FKBP9: variants seen among roughly 807,000 people sequenced by gnomAD.
FKBP9 encodes peptidyl-prolyl cis-trans isomerase FKBP9.
Under a neutral mutation model 55.6 loss-of-function variants are expected in FKBP9, and 27 were observed. The ratio of observed to expected loss-of-function variants is 0.49; its 90% CI spans 0.36 to 0.67. FKBP9 has a LOEUF of 0.67. FKBP9 is among the 30% of genes least tolerant of loss of function. The pLI is 0.00. For synonymous variants in FKBP9, 267 were observed against 296.5 expected, an observed-to-expected ratio of 0.90 and a Z score of 1.02; for missense variants, 539 against 742.8, an observed-to-expected ratio of 0.73 and a Z score of 3.19.
In FKBP9 at chr7:32,957,459, A is replaced by G; in HGVS notation, c.-115A>G. The G allele has an allele frequency of 1.3e-6, 1 of 751,050 alleles. No homozygotes were observed. Among genetic ancestry groups the G allele is most frequent in the Admixed American group, 4.4e-5 (1 of 22,700 alleles). 46.5% of individuals were successfully genotyped at this position (751,050 alleles called of 1,614,324 possible). On this transcript the variant is annotated 5_prime_UTR_variant, in exon 1 of 10. Transcript: ENST00000242209. ...GCCGGGGAGACGGGGTGGCGGCTGC[A>G]GCCCGGGTAGGGCCAGGAGACCCGG...
intron 6 of FKBP9, chr7:32,992,823 A>G (rs930590234): frequency 1.7e-5 from 4 of 228,704 alleles, no homozygotes; most frequent in Non-Finnish European, 2.6e-5. Flanking sequence ...AAACACAAAC[A>G]AAACTTCCTA....
At position 33,005,862 on chromosome 7, in the gene FKBP9, C is replaced by A. The variant is rs1475819094; in HGVS notation, c.*511C>A. ...GACAGCCATGGCTCTTCCCAGCAGC[C>A]TGTGCAAATTCTGATGATGGCCCCA... is the stretch of plus-strand genomic sequence containing the variant. On this transcript the variant is annotated 3_prime_UTR_variant, in exon 10 of 10. Coordinates refer to ENST00000242209, the MANE Select transcript of FKBP9 (RefSeq NM_007270.5). 1 of 233,264 alleles carries A rather than the reference C, an allele frequency of 4.3e-6. No individual in the cohort carries two copies. Among genetic ancestry groups the A allele is most frequent in the African/African-American group, 2.2e-5 (1 of 45,138 alleles). The allele number at this position is 233,264 out of a possible 1,614,324, so 14.4% of individuals were successfully genotyped here.
intron 4 of FKBP9, among the ~76,000 whole-genome samples, chr7:32,978,526 TA>T (rs1562567673): frequency 6.6e-6 from 1 of 152,058 alleles, no homozygotes; most frequent in Non-Finnish European, 1.5e-5. Flanking sequence ...CTTGGCTAGT[TA>T]AAAAAGTTTT....
intron 1 of FKBP9, among the ~76,000 whole-genome samples, chr7:32,963,943 C>T (rs1784080169): frequency 6.6e-6 from 1 of 152,204 alleles, no homozygotes; most frequent in African/African-American, 2.4e-5. Context: ...GGCCCAGGCT[C>T]ACCCTTTCAG....
At chr7:32,970,601 A>G (rs1228399345) in intron 1 of FKBP9, among the ~76,000 whole-genome samples, 1 of 150,254 alleles carries the variant, frequency 6.7e-6, no homozygotes, top group African/African-American at 2.5e-5. Flanking sequence ...GCTATTGTAA[A>G]TAGAATTATT....
At position 32,994,113 on chromosome 7, in the gene FKBP9, A is replaced by G. The variant is rs555148315; in HGVS notation, c.1040-2050A>G. Reference sequence around the variant, plus strand: ...CACATACTATAAAAATAATCATGTTAAAGTTTACAATTTAGTTGTTTTTAG... The same window carrying G: ...CACATACTATAAAAATAATCATGTTGAAGTTTACAATTTAGTTGTTTTTAG... On this transcript the variant is annotated intron_variant, in intron 6 of 9. Coordinates refer to ENST00000242209, the MANE Select transcript of FKBP9 (RefSeq NM_007270.5). Among the ~76,000 whole-genome samples, 9 of 152,326 alleles carry G rather than the reference A, an allele frequency of 5.9e-5. No homozygotes were observed. In the South Asian group the frequency reaches 1.9e-3, roughly 32 times the overall value.
rs200712661 is a variant in FKBP9 at position 32,974,641 on chromosome 7, T to C, written c.246T>C (p.Asn82=). ...GCTATGACAGAGACTCCACTTTCAATGTGTTTGTGGGAAAAGGACAGCTGA... is the reference window on the plus strand; with the variant it reads ...GCTATGACAGAGACTCCACTTTCAACGTGTTTGTGGGAAAAGGACAGCTGA... The part of the protein sequence containing the change: ...DSSYDRDSTF[N]VFVGKGQLIT... The change falls in exon 2 of 10, where the codon AAT becomes AAC. Residue 82 remains asparagine, a synonymous_variant. Transcript: ENST00000242209. The C allele has an allele frequency of 1.2e-6, 2 of 1,613,562 alleles. No homozygotes were observed. Among genetic ancestry groups the C allele is most frequent in the East Asian group, 2.2e-5 (1 of 44,870 alleles).
At position 33,006,631 on chromosome 7, in the gene FKBP9, C is replaced by T. The variant is rs1332714488; in HGVS notation, c.*1280C>T. 1 of 213,524 alleles carries T rather than the reference C, an allele frequency of 4.7e-6. No individual in the cohort carries two copies. Among genetic ancestry groups the T allele is most frequent in the Non-Finnish European group, 9.5e-6 (1 of 105,398 alleles). The allele number at this position is 213,524 out of a possible 1,614,324, so 13.2% of individuals were successfully genotyped here. A position where few individuals can be genotyped will look rare whatever the true frequency, so the allele number is the denominator to read the frequency against. On this transcript the variant is annotated 3_prime_UTR_variant, in exon 10 of 10. Transcript: ENST00000242209. ...CTGCTGCCCATTTGTGTCCTGGAGA[C>T]GGTGGTACCCTGAAGGCAGAGGCCA...
intron 4 of FKBP9, 115 bp downstream of exon 4, chr7:32,976,614 G>T: frequency 2.1e-6 from 3 of 1,416,310 alleles, no homozygotes; most frequent in Non-Finnish European, 2.8e-6. Context: ...ACCTACACTG[G>T]CCAATATGGT....
At chr7:32,983,126 C>T (rs1424888136) in intron 5 of FKBP9, among the ~76,000 whole-genome samples, 2 of 151,664 alleles carry the variant, frequency 1.3e-5, no homozygotes, top group East Asian at 1.9e-4. Flanking sequence ...TGGGTTCAAG[C>T]GATTCTCGTG....
At chr7:32,997,073 C>T (rs1208292845) in intron 7 of FKBP9, among the ~76,000 whole-genome samples, 3 of 151,454 alleles carry the variant, frequency 2.0e-5, no homozygotes, top group Non-Finnish European at 4.4e-5. Context: ...GGATTACAGG[C>T]GTGAGCCTCC....
intron 8 of FKBP9, 140 bp downstream of exon 8, chr7:33,000,400 A>C: frequency 7.8e-7 from 1 of 1,287,826 alleles, no homozygotes; most frequent in Non-Finnish European, 1.0e-6. Flanking sequence ...ATTTTTAAAA[A>C]ATTATTTAGT....
At chr7:32,976,592 C>T (rs969776035) in intron 4 of FKBP9, 93 bp downstream of exon 4, 2 of 1,511,428 alleles carry the variant, frequency 1.3e-6, no homozygotes, top group African/African-American at 2.8e-5. Flanking sequence ...CCCACTAGAC[C>T]TTTCGGTCTA....
Position 32,974,707 on chromosome 7 carries a change from C to T in FKBP9, c.312C>T (p.Asn104=), listed in dbSNP as rs572685017. 16 of 1,613,880 alleles carry T rather than the reference C, an allele frequency of 9.9e-6. No homozygotes were observed. Among genetic ancestry groups the T allele is most frequent in the East Asian group, 2.2e-5 (1 of 44,876 alleles). The change falls in exon 2 of 10, where the codon AAC becomes AAT. Residue 104 remains asparagine (N), a synonymous_variant. Transcript: ENST00000242209. The part of the protein sequence containing the change: ...MDQALVGMCV[N]ERRFVKIPPK... ...AGGCTCTTGTTGGGATGTGCGTAAA[C>T]GAGAGACGTTTCGTGAAGATTCCCC...
At chr7:32,983,250 C>G (rs893146701) in intron 5 of FKBP9, among the ~76,000 whole-genome samples, 8 of 152,022 alleles carry the variant, frequency 5.3e-5, no homozygotes, top group Non-Finnish European at 1.0e-4. Context: ...TCTTGAACTC[C>G]TGACCTCAGG....
At chr7:32,974,586 C>G in intron 1 of FKBP9, 31 bp from the exon 2 acceptor site, 1 of 1,600,234 alleles carries the variant, frequency 6.2e-7, no homozygotes, top group South Asian at 1.1e-5. Flanking sequence ...TTATACTTTT[C>G]TTTCTCTTTC....
At chr7:32,975,014 A>G (rs1784331807) in intron 2 of FKBP9, 168 bp from the exon 3 acceptor site, 1 of 666,966 alleles carries the variant, frequency 1.5e-6, no homozygotes, top group African/African-American at 1.8e-5. Context: ...TTTTCTTTCA[A>G]TTTCATTTGG....
chr7:32,992,164 C>T (rs1431739888), intron 6 of FKBP9, among the ~76,000 whole-genome samples: 2 of 152,116 alleles, frequency 1.3e-5, no homozygotes, highest in African/African-American at 2.4e-5. Flanking sequence ...AGACCTCAAA[C>T]CAGAAGTCCT....
intron 1 of FKBP9, 67 bp downstream of exon 1, chr7:32,957,861 C>G: frequency 8.2e-7 from 1 of 1,219,346 alleles, no homozygotes. Context: ...ACAGGCCTTT[C>G]CCTCCTGCCG....
Sources: gnomAD v4.1 joint callset for allele counts (sites outside exome capture counted in the v4.1 genomes callset) on GRCh38, gnomAD v4.1.1 for gene constraint, MANE v1.5 for transcripts, NCBI Gene and HGNC (gene_info 2026-07-23, HGNC 2026-07-21) for gene names.